The following ITPR2 variants were observed in gnomAD, a reference collection of about 807,000 sequenced individuals.
ITPR2 encodes the protein inositol 1,4,5-trisphosphate receptor type 2.
In ITPR2, 207 loss-of-function variants were observed where a neutral mutation model predicts 317.1. The observed-to-expected ratio is 0.65, with a 90% CI of 0.58 to 0.73. The LOEUF (loss-of-function observed/expected upper bound fraction) is 0.73, where lower values mean the gene tolerates loss of function less well. Among genes scored for constraint, ITPR2 ranks in the 30% least tolerant of loss-of-function variants. The pLI, the probability that ITPR2 is intolerant of heterozygous loss-of-function variation, is 0.00. For synonymous variants in ITPR2, 1,156 were observed against 1,149.1 expected (o/e 1.01, Z -0.12); for missense variants, 2,613 against 3,284.0 (o/e 0.80, Z 4.99).
intron 55 of ITPR2, among the ~76,000 whole-genome samples, chr12:26,353,843 T>TATAC (rs1207261467): frequency 2.0e-5 from 3 of 151,764 alleles, no homozygotes; most frequent in Non-Finnish European, 4.4e-5. Context: ...CAAGGAAAAC[T>TATAC]ATACACACAC....
intron 9 of ITPR2, among the ~76,000 whole-genome samples, chr12:26,702,376 T>TTTTGG (rs1235441204): frequency 2.8e-5 from 4 of 144,836 alleles, no homozygotes; most frequent in African/African-American, 5.1e-5. Context: ...GCATTGAGGT[T>TTTTGG]TTTGGTTTGG....
chr12:26,478,012 T>C (rs1591816495), intron 43 of ITPR2, among the ~76,000 whole-genome samples: 3 of 152,290 alleles, frequency 2.0e-5, no homozygotes, highest in East Asian at 3.9e-4. Context: ...AAGATGCTTC[T>C]AAGTGACTCA....
intron 2 of ITPR2, among the ~76,000 whole-genome samples, chr12:26,734,250 A>T (rs2137068324): frequency 6.6e-6 from 1 of 152,354 alleles, no homozygotes; most frequent in East Asian, 1.9e-4. Context: ...CATCTTCATA[A>T]TTCAATAGAA....
At chr12:26,362,213 G>C (rs1938854419) in intron 55 of ITPR2, among the ~76,000 whole-genome samples, 1 of 152,182 alleles carries the variant, frequency 6.6e-6, no homozygotes, top group Non-Finnish European at 1.5e-5. Flanking sequence ...ACAAGGCAGT[G>C]TGTCACCTGC....
intron 45 of ITPR2, among the ~76,000 whole-genome samples, chr12:26,445,038 T>C (rs912610077): frequency 2.0e-5 from 3 of 152,174 alleles, no homozygotes; most frequent in Admixed American, 1.3e-4. Flanking sequence ...TTTGAAAGCA[T>C]AAAATTACTG....
At chr12:26,697,001 G>A (rs940835133) in intron 9 of ITPR2, among the ~76,000 whole-genome samples, 1 of 152,204 alleles carries the variant, frequency 6.6e-6, no homozygotes, top group Admixed American at 6.6e-5. Context: ...GGTGTGAAGA[G>A]AGAAAAGGAA....
chr12:26,621,774 C>T (rs932665303), intron 25 of ITPR2, among the ~76,000 whole-genome samples: 4 of 152,062 alleles, frequency 2.6e-5, no homozygotes, highest in East Asian at 1.9e-4. Flanking sequence ...TAAGCACTTA[C>T]GTATTACTAA....
At chr12:26,730,528 C>G (rs1949007948) in intron 2 of ITPR2, among the ~76,000 whole-genome samples, 1 of 152,134 alleles carries the variant, frequency 6.6e-6, no homozygotes, top group Admixed American at 6.5e-5. Context: ...ATCAACAGCA[C>G]AAATAAAAGG....
intron 49 of ITPR2, among the ~76,000 whole-genome samples, chr12:26,426,968 T>C (rs1222430841): frequency 6.6e-6 from 1 of 151,884 alleles, no homozygotes. Context: ...TATATAAGAA[T>C]ACAAAGATAA....
chr12:26,636,170 CA>C (rs1946860398), intron 21 of ITPR2, among the ~76,000 whole-genome samples: 1 of 152,214 alleles, frequency 6.6e-6, no homozygotes, highest in South Asian at 2.1e-4. Flanking sequence ...GACGGTCACA[CA>C]ACTTGCTCCC....
chr12:26,603,854 C>A (rs1234209494), intron 26 of ITPR2, among the ~76,000 whole-genome samples: 2 of 152,158 alleles, frequency 1.3e-5, no homozygotes, highest in South Asian at 2.1e-4. Context: ...TGACAGGGTC[C>A]ATCGCAAAGA....
chr12:26,704,192 AT>A (rs1948507816), intron 9 of ITPR2, among the ~76,000 whole-genome samples: 1 of 152,272 alleles, frequency 6.6e-6, no homozygotes, highest in Non-Finnish European at 1.5e-5. Context: ...ATTTCAAGTT[AT>A]TCAAAAGAAA....
At position 26,336,040 on chromosome 12, in the gene ITPR2, CCATCAACTATTA is replaced by C. The variant is rs1937904102; in HGVS notation, c.*3345_*3356del. On this transcript the variant is annotated 3_prime_UTR_variant, in exon 57 of 57. Transcript: ENST00000381340. The stretch of plus-strand genomic sequence containing the variant: ...CATGGGTGAGGGGTATCTCTGGGGT[CCATCAACTATTA>C]CATCATGATGCCTGTGCAATATTTA... 1 of 152,306 alleles carries C rather than the reference CCATCAACTATTA, an allele frequency of 6.6e-6. No individual in the cohort carries two copies. Among genetic ancestry groups the C allele is most frequent in the African/African-American group, 2.4e-5 (1 of 41,564 alleles). The allele number at this position is 152,306 out of a possible 1,614,324, so 9.4% of individuals were successfully genotyped here.
intron 2 of ITPR2, among the ~76,000 whole-genome samples, chr12:26,746,623 G>T (rs544245378): frequency 1.6e-4 from 24 of 152,298 alleles, no homozygotes; most frequent in African/African-American, 5.8e-4. Flanking sequence ...TAGTGTAGTA[G>T]TGCTGTTATC....
At chr12:26,708,537 G>C (rs1294447939) in intron 9 of ITPR2, among the ~76,000 whole-genome samples, 1 of 152,140 alleles carries the variant, frequency 6.6e-6, no homozygotes, top group Non-Finnish European at 1.5e-5. Context: ...ATATGTGGGA[G>C]CTAAAAATTA....
intron 37 of ITPR2, among the ~76,000 whole-genome samples, chr12:26,501,410 G>A (rs1168572822): frequency 2.0e-5 from 3 of 152,100 alleles, no homozygotes; most frequent in Non-Finnish European, 4.4e-5. Context: ...AACTCCTTCG[G>A]GAGAATATGG....
intron 21 of ITPR2, among the ~76,000 whole-genome samples, chr12:26,652,092 C>T (rs1452652236): frequency 1.3e-5 from 2 of 152,178 alleles, no homozygotes; most frequent in Non-Finnish European, 2.9e-5. Flanking sequence ...CTTTCTCTTT[C>T]TAAGGGTGAT....
chr12:26,832,429 G>A (rs904367185), intron 1 of ITPR2, among the ~76,000 whole-genome samples: 3 of 152,258 alleles, frequency 2.0e-5, no homozygotes, highest in Admixed American at 1.3e-4. Context: ...CCCGTCTCCG[G>A]GCTTCTGAAT....
chr12:26,341,454 T>C (rs927658701), intron 55 of ITPR2, among the ~76,000 whole-genome samples: 1 of 152,236 alleles, frequency 6.6e-6, no homozygotes, highest in Non-Finnish European at 1.5e-5. Flanking sequence ...AGGCCCAATT[T>C]GTGTATCTCT....
Sources: gnomAD v4.1 joint callset for allele counts (sites outside exome capture counted in the v4.1 genomes callset) on GRCh38, gnomAD v4.1.1 for gene constraint, MANE v1.5 for transcripts, NCBI Gene and HGNC (gene_info 2026-07-23, HGNC 2026-07-21) for gene names.